The following CDH12 variants were observed in gnomAD, a reference collection of about 807,000 sequenced individuals.
CDH12 encodes the protein cadherin-12.
In CDH12, 41 loss-of-function variants were observed where a neutral mutation model predicts 74.1. The ratio of observed to expected loss-of-function variants is 0.55; its 90% CI spans 0.43 to 0.72. The LOEUF is 0.72. Ranked by LOEUF, CDH12 falls within the 30% of genes least tolerant of loss-of-function variation. The pLI is 0.00. For synonymous variants in CDH12, 399 were observed against 355.0 expected, an observed-to-expected ratio of 1.12 and a Z score of -1.39; for missense variants, 945 against 977.2, an observed-to-expected ratio of 0.97 and a Z score of 0.44.
chr5:21,898,547 A>C (rs1391474246), intron 6 of CDH12, among the ~76,000 whole-genome samples: 1 of 151,794 alleles, frequency 6.6e-6, no homozygotes, highest in Non-Finnish European at 1.5e-5. Flanking sequence ...CTAAAAATAC[A>C]AAAAATTAGC....
intron 1 of CDH12, among the ~76,000 whole-genome samples, chr5:22,750,264 A>G (rs1303689952): frequency 1.3e-5 from 2 of 152,174 alleles, no homozygotes; most frequent in Non-Finnish European, 2.9e-5. Context: ...CTAAAAAGGA[A>G]AACTGGGTTC....
At chr5:22,504,861 T>G (rs1253145325) in intron 2 of CDH12, among the ~76,000 whole-genome samples, 1 of 152,000 alleles carries the variant, frequency 6.6e-6, no homozygotes, top group Non-Finnish European at 1.5e-5. Context: ...CGTATCCAAT[T>G]TAACAAAAAT....
intron 10 of CDH12, among the ~76,000 whole-genome samples, chr5:21,797,144 T>C (rs1746825952): frequency 6.6e-6 from 1 of 151,974 alleles, no homozygotes; most frequent in Non-Finnish European, 1.5e-5. Context: ...ACGGGCTCAG[T>C]CCTTGGTTGT....
intron 1 of CDH12, among the ~76,000 whole-genome samples, chr5:22,652,972 A>G (rs986335633): frequency 1.3e-5 from 2 of 152,184 alleles, no homozygotes; most frequent in African/African-American, 4.8e-5. Flanking sequence ...GGAATCACAT[A>G]TTAAATATTT....
intron 1 of CDH12, among the ~76,000 whole-genome samples, chr5:22,663,268 A>C (rs1392209243): frequency 1.3e-5 from 2 of 152,206 alleles, no homozygotes; most frequent in African/African-American, 4.8e-5. Context: ...CCTTTTATCT[A>C]ATCATTTATC....
At chr5:22,253,063 C>T (rs983661471) in intron 3 of CDH12, among the ~76,000 whole-genome samples, 2 of 151,880 alleles carry the variant, frequency 1.3e-5, no homozygotes, top group African/African-American at 4.8e-5. Flanking sequence ...GTATCCAAAG[C>T]ACCTAGCACC....
chr5:22,190,407 C>T (rs1360008300), intron 4 of CDH12, among the ~76,000 whole-genome samples: 2 of 150,066 alleles, frequency 1.3e-5, no homozygotes, highest in African/African-American at 4.9e-5. Context: ...TATCTATCCT[C>T]TATCCATCTT....
chr5:22,591,713 C>A (rs1825792), intron 1 of CDH12, among the ~76,000 whole-genome samples: 22,667 of 152,070 alleles, frequency 0.15, 2,189 homozygotes, highest in Admixed American at 0.33. Flanking sequence ...AGTTTCAGTT[C>A]TCTTTCAGTT....
In CDH12 at chr5:22,796,518, T is replaced by C. The variant is rs200972714; in HGVS notation, c.-523+56540A>G. On this transcript the variant is annotated intron_variant, in intron 1 of 14. Coordinates refer to ENST00000382254, the MANE Select transcript of CDH12 (RefSeq NM_004061.5). Reference sequence around the variant, plus strand: ...ACTTCTGTTCAGATTTTTTATCTTTTTTTTTTTTTTTTTTTTTTTGAGACG... The same window carrying C: ...ACTTCTGTTCAGATTTTTTATCTTTCTTTTTTTTTTTTTTTTTTTGAGACG... Among the ~76,000 whole-genome samples the C allele has an allele frequency of 2.2e-5, 2 of 90,398 alleles. 1 individual carries two copies. The highest frequency in any genetic ancestry group is 4.1e-5 in the Non-Finnish European group (2 of 49,288). The allele number at this position is 90,398 out of a possible 152,430, so 59.3% of individuals were successfully genotyped here. A position where few individuals can be genotyped will look rare whatever the true frequency, so the allele number is the denominator to read the frequency against.
chr5:22,275,677 C>T (rs1007134780), intron 3 of CDH12, among the ~76,000 whole-genome samples: 1 of 152,034 alleles, frequency 6.6e-6, no homozygotes, highest in African/African-American at 2.4e-5. Flanking sequence ...AAGAAGTTTG[C>T]CCAAACTCAT....
intron 1 of CDH12, among the ~76,000 whole-genome samples, chr5:22,553,832 T>G (rs1197613926): frequency 1.3e-5 from 2 of 152,080 alleles, no homozygotes; most frequent in African/African-American, 4.8e-5. Flanking sequence ...TCATCAGCAT[T>G]AGATTCTCAT....
chr5:22,083,773 C>T (rs187674716), intron 4 of CDH12, among the ~76,000 whole-genome samples: 321 of 152,216 alleles, frequency 2.1e-3, no homozygotes, highest in Non-Finnish European at 1.9e-3. Context: ...GGATCCTCTA[C>T]GGTGTTGCCC....
chr5:22,223,531 T>A lies in CDH12; in HGVS notation c.-332-10888A>T, dbSNP rs79076514. On this transcript the variant is annotated intron_variant, in intron 3 of 14. Coordinates refer to ENST00000382254, the MANE Select transcript of CDH12 (RefSeq NM_004061.5). ...ATGATGGGAACATTCAGTAAAAAGA[T>A]TTTATGGTTAAGTTTTACATTAGAC... Among the ~76,000 whole-genome samples the A allele has an allele frequency of 3.7e-3, 570 of 152,056 alleles. 22 individuals are homozygous for A. The East Asian group carries it at 0.094, about 25-fold the overall frequency.
chr5:22,791,399 A>T (rs1747897955), intron 1 of CDH12, among the ~76,000 whole-genome samples: 1 of 152,232 alleles, frequency 6.6e-6, no homozygotes, highest in African/African-American at 2.4e-5. Flanking sequence ...TGAAGTATCT[A>T]CAAATAAAGA....
chr5:22,430,431 A>G lies in CDH12; in HGVS notation c.-427-25080T>C, dbSNP rs111392506. ...ACATATAAATATTTGGTTTTTGGTA[A>G]ATTTGTTTGAAAAATTAGCAGAATT... On this transcript the variant is annotated intron_variant, in intron 2 of 14. Coordinates refer to ENST00000382254, the MANE Select transcript of CDH12 (RefSeq NM_004061.5). Among the ~76,000 whole-genome samples, 667 of 152,308 alleles carry G rather than the reference A, an allele frequency of 4.4e-3. 4 individuals carry two copies. Among genetic ancestry groups the G allele is most frequent in the African/African-American group, 0.015 (628 of 41,586 alleles).
intron 5 of CDH12, among the ~76,000 whole-genome samples, chr5:22,010,184 G>T (rs1239971945): frequency 6.6e-6 from 1 of 152,102 alleles, no homozygotes; most frequent in Non-Finnish European, 1.5e-5. Context: ...TGTGTTAGTA[G>T]TGGCCTAATT....
At chr5:21,798,365 A>C (rs1038289894) in intron 10 of CDH12, among the ~76,000 whole-genome samples, 2 of 152,024 alleles carry the variant, frequency 1.3e-5, no homozygotes, top group African/African-American at 2.4e-5. Flanking sequence ...AATGTAAAAT[A>C]ATAGTTTGAA....
intron 11 of CDH12, among the ~76,000 whole-genome samples, chr5:21,771,629 T>C (rs111463731): frequency 0.031 from 4,757 of 152,214 alleles, 91 homozygotes; most frequent in Middle Eastern, 0.058. Flanking sequence ...ATTATATAGA[T>C]GAAGCCTCTA....
intron 3 of CDH12, among the ~76,000 whole-genome samples, chr5:22,286,332 G>A (rs761214004): frequency 1.3e-5 from 2 of 152,036 alleles, no homozygotes; most frequent in African/African-American, 2.4e-5. Context: ...CAATTGGCTC[G>A]AAAAAATATA....
Sources: allele counts gnomAD v4.1 joint callset (sites outside exome capture counted in the v4.1 genomes callset), GRCh38; gene constraint gnomAD v4.1.1; transcripts MANE v1.5; gene names NCBI Gene and HGNC (gene_info 2026-07-23, HGNC 2026-07-21).